Variants in PTPRD observed in about 807,000 individuals in gnomAD.
PTPRD encodes protein tyrosine phosphatase receptor type D.
In PTPRD, 34 loss-of-function variants were observed where a neutral mutation model predicts 214.5. The observed-to-expected ratio is 0.16, with a 90% CI of 0.12 to 0.21. The LOEUF (loss-of-function observed/expected upper bound fraction) is 0.21. Ranked by LOEUF, PTPRD falls within the 10% of genes least tolerant of loss-of-function variation. PTPRD has a pLI of 1.00. For missense variants in PTPRD, 2,545 were observed against 2,398.7 expected, an observed-to-expected ratio of 1.06 and a Z score of -1.27; for synonymous variants, 1,128 against 845.7, an observed-to-expected ratio of 1.33 and a Z score of -5.79.
chr9:9,534,651 A>G (rs960550899), intron 8 of PTPRD, among the ~76,000 whole-genome samples: 19 of 152,100 alleles, frequency 1.2e-4, no homozygotes, highest in African/African-American at 4.6e-4. Flanking sequence ...CGCTTTTTAA[A>G]GTTCACTGAG....
intron 14 of PTPRD, among the ~76,000 whole-genome samples, chr9:8,535,867 C>T (rs1768173580): frequency 6.6e-6 from 1 of 151,894 alleles, no homozygotes; most frequent in Non-Finnish European, 1.5e-5. Context: ...GGGGAAATCT[C>T]TCGATGAGAT....
At chr9:8,750,175 T>A (rs1356148763) in intron 11 of PTPRD, among the ~76,000 whole-genome samples, 3 of 152,104 alleles carry the variant, frequency 2.0e-5, no homozygotes, top group Non-Finnish European at 2.9e-5. Flanking sequence ...AGTAATTTTT[T>A]GAGACAGAGT....
intron 3 of PTPRD, among the ~76,000 whole-genome samples, chr9:10,164,611 T>C (rs1318234349): frequency 2.6e-5 from 4 of 151,698 alleles, no homozygotes; most frequent in Admixed American, 2.6e-4. Flanking sequence ...ATATGTGATT[T>C]GCATCGTCCT....
intron 11 of PTPRD, among the ~76,000 whole-genome samples, chr9:8,896,213 A>G (rs2098609305): frequency 6.6e-6 from 1 of 152,226 alleles, no homozygotes; most frequent in South Asian, 2.1e-4. Context: ...GCCTGCTCAC[A>G]TAAATATAAT....
intron 11 of PTPRD, among the ~76,000 whole-genome samples, chr9:8,786,223 G>A (rs2095958044): frequency 6.6e-6 from 1 of 152,034 alleles, no homozygotes. Context: ...TTGTTCCTGT[G>A]TTAACTATGA....
intron 7 of PTPRD, among the ~76,000 whole-genome samples, chr9:9,613,930 T>C (rs1438421224): frequency 6.6e-6 from 1 of 152,194 alleles, no homozygotes; most frequent in Non-Finnish European, 1.5e-5. Context: ...CAGATAACTC[T>C]TCAAATCCCA....
In PTPRD at chr9:10,407,433, G is replaced by C. The variant is rs559357055; in HGVS notation, c.-599-66416C>G. Reference sequence around the variant, plus strand: ...ATAAACTTCCATGTATTCTAAGTATGAGATTTTGAAAAATGGATGAAAATA... The same window carrying C: ...ATAAACTTCCATGTATTCTAAGTATCAGATTTTGAAAAATGGATGAAAATA... On this transcript the variant is annotated intron_variant, in intron 2 of 45. Transcript: ENST00000381196. 2.2e-4 allele frequency among the ~76,000 whole-genome samples: 33 copies of C among 151,578 alleles called. No individual in the cohort carries two copies. The East Asian group carries it at 6.1e-3, about 28-fold the overall frequency.
At chr9:9,584,152 T>C (rs970431946) in intron 7 of PTPRD, among the ~76,000 whole-genome samples, 2 of 151,872 alleles carry the variant, frequency 1.3e-5, no homozygotes, top group African/African-American at 4.8e-5. Context: ...TTAGTAATAC[T>C]AGCAAGCTAT....
chr9:8,784,481 A>T (rs192590380), intron 11 of PTPRD, among the ~76,000 whole-genome samples: 45 of 152,382 alleles, frequency 3.0e-4, no homozygotes, highest in Admixed American at 2.7e-3. Flanking sequence ...GGATCCTGGC[A>T]TAGAGAAGCC....
intron 14 of PTPRD, among the ~76,000 whole-genome samples, chr9:8,568,586 T>C (rs139548426): frequency 4.3e-4 from 65 of 152,256 alleles, no homozygotes; most frequent in African/African-American, 1.5e-3. Context: ...TCAGCTTCAG[T>C]AGGAGAGAAA....
chr9:9,313,097 G>A (rs1025020681), intron 9 of PTPRD, among the ~76,000 whole-genome samples: 3 of 151,834 alleles, frequency 2.0e-5, no homozygotes, highest in Non-Finnish European at 2.9e-5. Flanking sequence ...TTTGAAGTTC[G>A]GTGATGTTTT....
intron 2 of PTPRD, among the ~76,000 whole-genome samples, chr9:10,487,156 C>T (rs1186597841): frequency 2.6e-5 from 4 of 152,104 alleles, no homozygotes; most frequent in African/African-American, 9.7e-5. Flanking sequence ...ATATCTCTTT[C>T]CATTCCTTTA....
intron 7 of PTPRD, among the ~76,000 whole-genome samples, chr9:9,617,508 G>T (rs1166620300): frequency 6.6e-6 from 1 of 152,196 alleles, no homozygotes; most frequent in African/African-American, 2.4e-5. Context: ...TGTATGGAAA[G>T]GTTGACAAAT....
intron 3 of PTPRD, among the ~76,000 whole-genome samples, chr9:10,302,317 A>ATCGAC (rs1198701874): frequency 6.6e-6 from 1 of 152,214 alleles, no homozygotes; most frequent in Non-Finnish European, 1.5e-5. Flanking sequence ...AAAACATACC[A>ATCGAC]AATTGTAAAG....
chr9:8,789,525 T>TA (rs2096135326), intron 11 of PTPRD, among the ~76,000 whole-genome samples: 1 of 152,202 alleles, frequency 6.6e-6, no homozygotes, highest in South Asian at 2.1e-4. Context: ...TGACCCATAT[T>TA]AGCACTCCTG....
chr9:10,126,895 T>C (rs10958896), intron 3 of PTPRD, among the ~76,000 whole-genome samples: 1 of 151,406 alleles, frequency 6.6e-6, no homozygotes, highest in Non-Finnish European at 1.5e-5. Flanking sequence ...TAGATAGAAA[T>C]TGCCATGTAA....
At chr9:8,341,441 C>T (rs376597137) in intron 40 of PTPRD, among the ~76,000 whole-genome samples, 173 bp from the exon 41 acceptor site, 2 of 151,978 alleles carry the variant, frequency 1.3e-5, no homozygotes, top group Non-Finnish European at 1.5e-5. Context: ...CTCTCTATAG[C>T]CTATTGGATT....
At chr9:8,423,381 C>G (rs2094478040) in intron 35 of PTPRD, among the ~76,000 whole-genome samples, 1 of 152,170 alleles carries the variant, frequency 6.6e-6, no homozygotes, top group African/African-American at 2.4e-5. Context: ...CTCCTGCCAT[C>G]TTGAAATACG....
intron 9 of PTPRD, among the ~76,000 whole-genome samples, chr9:9,226,675 C>T (rs1275448555): frequency 2.6e-5 from 4 of 152,000 alleles, no homozygotes; most frequent in African/African-American, 9.7e-5. Flanking sequence ...CCACAGTTTC[C>T]TTATCTTAGG....
Sources: gnomAD v4.1 joint callset for allele counts (sites outside exome capture counted in the v4.1 genomes callset) on GRCh38, gnomAD v4.1.1 for gene constraint, MANE v1.5 for transcripts, NCBI Gene and HGNC (gene_info 2026-07-23, HGNC 2026-07-21) for gene names.